MTMR10: variants seen among roughly 807,000 people sequenced by gnomAD.
MTMR10 encodes the protein myotubularin-related protein 10.
MTMR10 carries 56 observed loss-of-function variants against 88.1 expected under a neutral mutation model. That is an observed-to-expected ratio of 0.64 (90% confidence interval 0.51 to 0.79). The LOEUF (loss-of-function observed/expected upper bound fraction) is 0.79. MTMR10 is among the 30% of genes least tolerant of loss of function. The pLI is 0.00. For missense variants in MTMR10, 883 were observed against 924.7 expected (o/e 0.95, Z 0.58); for synonymous variants, 380 against 340.9 (o/e 1.11, Z -1.26).
At position 30,975,136 on chromosome 15, in the gene MTMR10, A is replaced by G; in HGVS notation, c.259-133T>C. On this transcript the variant is annotated intron_variant, in intron 3 of 15. Transcript: ENST00000435680. Reference sequence around the variant, plus strand: ...ACAAAAAGCTTTTGTCTAGGTAGCTAGGGCCATTCCAATGTTGACAGATAG... The same window carrying G: ...ACAAAAAGCTTTTGTCTAGGTAGCTGGGGCCATTCCAATGTTGACAGATAG... 3 of 621,070 alleles carry G rather than the reference A, an allele frequency of 4.8e-6. 1 individual carries two copies. The highest frequency in any genetic ancestry group is 3.4e-5 in the Admixed American group (1 of 29,354). 38.5% of individuals were successfully genotyped at this position (621,070 alleles called of 1,614,324 possible).
At chr15:30,991,375 C>A in intron 1 of MTMR10, 72 bp downstream of exon 1, 2 of 1,367,134 alleles carry the variant, frequency 1.5e-6, no homozygotes, top group South Asian at 3.4e-5. Context: ...TCCTCCAGTT[C>A]CCGGGGGTCG....
chr15:30,938,907 T>C (rs1008198842), downstream of MTMR10: 1 of 984,888 alleles, frequency 1.0e-6, no homozygotes, highest in Non-Finnish European at 1.2e-6. Flanking sequence ...TCAATCACTG[T>C]GTTCCAGTAG....
the MTMR10 span, among the ~76,000 whole-genome samples, chr15:30,932,288 T>G: frequency 1.3e-5 from 2 of 149,262 alleles, no homozygotes; most frequent in Non-Finnish European, 3.0e-5. Flanking sequence ...TGTAGACCAA[T>G]CTGAGAGGAA....
rs571395919 is a variant in MTMR10, at chr15:30,945,817, C to G, written c.1548+1313G>C. Among the ~76,000 whole-genome samples, 3 of 152,306 alleles carry G rather than the reference C, an allele frequency of 2.0e-5. No individual in the cohort carries two copies. In the South Asian group the frequency reaches 6.2e-4, roughly 32 times the overall value. On this transcript the variant is annotated intron_variant, in intron 14 of 15. Transcript: ENST00000435680. ...TGGTGGGGTGGGCAGGGGACAGACT[C>G]TGGCTCTATCACCCAGGCTGGAGTG... is the stretch of plus-strand genomic sequence containing the variant.
chr15:30,958,026 C>A (rs992189178), intron 9 of MTMR10, among the ~76,000 whole-genome samples: 2 of 152,096 alleles, frequency 1.3e-5, no homozygotes, highest in African/African-American at 4.8e-5. Context: ...CCAGGATGAC[C>A]CCCCGGTTTC....
In MTMR10 at chr15:30,941,039, T is replaced by C. The variant is rs1374184203; in HGVS notation, c.*431A>G. On this transcript the variant is annotated 3_prime_UTR_variant, in exon 16 of 16. Transcript: ENST00000435680. ...AGACGACAGAAAGTAACCAGAAAAATACATGAATACTTCCTAAAACCTGCT... is the reference window on the plus strand; with the variant it reads ...AGACGACAGAAAGTAACCAGAAAAACACATGAATACTTCCTAAAACCTGCT... 7 of 1,170,914 alleles carry C rather than the reference T, an allele frequency of 6.0e-6. No individual in the cohort carries two copies. The highest frequency in any genetic ancestry group is 4.2e-5 in the Admixed American group (1 of 23,954). 72.5% of individuals were successfully genotyped at this position (1,170,914 alleles called of 1,614,324 possible).
downstream of MTMR10, among the ~76,000 whole-genome samples, chr15:30,937,774 A>T (rs2062902605): frequency 6.6e-6 from 1 of 151,916 alleles, no homozygotes; most frequent in South Asian, 2.1e-4. Flanking sequence ...GAACTTTTTT[A>T]AAAGAGAAAA....
downstream of MTMR10, among the ~76,000 whole-genome samples, chr15:30,936,611 T>TGATG (rs1198227782): frequency 3.3e-5 from 5 of 152,028 alleles, no homozygotes; most frequent in African/African-American, 9.7e-5. Context: ...TCTCAACTTA[T>TGATG]GATGGCCTTA....
the MTMR10 span, among the ~76,000 whole-genome samples, chr15:30,924,721 C>T: frequency 6.6e-6 from 1 of 152,156 alleles, no homozygotes; most frequent in South Asian, 2.1e-4. Flanking sequence ...TGCGTGGGCT[C>T]CTGCTCTGGA....
chr15:30,988,954 C>T lies in MTMR10; in HGVS notation c.121+1823G>A, dbSNP rs2031128503. ...GCAGTGAGCCGAGATCACGCCACTG[C>T]ACTCCAGCCCAAGTAAGAGTGAGAC... On this transcript the variant is annotated intron_variant, in intron 2 of 15. Coordinates refer to ENST00000435680, the MANE Select transcript of MTMR10 (RefSeq NM_017762.3). 2.8e-5 allele frequency among the ~76,000 whole-genome samples: 4 copies of T among 141,634 alleles called. No individual in the cohort carries two copies. In the Admixed American group the frequency reaches 2.9e-4, roughly 10 times the overall value. The allele number at this position is 141,634 out of a possible 152,430, so 92.9% of individuals were successfully genotyped here.
intron 2 of MTMR10, among the ~76,000 whole-genome samples, chr15:30,987,677 A>G (rs549273627): frequency 7.2e-6 from 1 of 139,796 alleles, no homozygotes; most frequent in Admixed American, 7.2e-5. Context: ...CTAACAATTA[A>G]TTCTTTTTTT....
At chr15:30,975,496 A>G (rs951075616) in intron 3 of MTMR10, among the ~76,000 whole-genome samples, 1 of 152,164 alleles carries the variant, frequency 6.6e-6, no homozygotes, top group Admixed American at 6.5e-5. Context: ...ACTTTTTCCT[A>G]ATAGTGGTAC....
the MTMR10 span, chr15:30,929,543 A>G: frequency 1.1e-5 from 2 of 190,072 alleles, no homozygotes; most frequent in African/African-American, 5.6e-5. Context: ...AGTATATATC[A>G]TATATAAAAT....
chr15:30,963,049 G>A (rs1193127365), intron 6 of MTMR10, among the ~76,000 whole-genome samples: 3 of 152,304 alleles, frequency 2.0e-5, no homozygotes, highest in African/African-American at 7.2e-5. Context: ...ATCAAATAGG[G>A]CCTAGACTCT....
intron 2 of MTMR10, among the ~76,000 whole-genome samples, chr15:30,981,124 T>A (rs1453696723): frequency 6.6e-6 from 1 of 152,218 alleles, no homozygotes; most frequent in African/African-American, 2.4e-5. Context: ...AGCCAAACTT[T>A]AAGGAGAAAC....
At chr15:30,951,885 T>C in intron 12 of MTMR10, 83 bp downstream of exon 12, 2 of 1,163,808 alleles carry the variant, frequency 1.7e-6, no homozygotes, top group African/African-American at 1.5e-5. Flanking sequence ...AAAACTGATG[T>C]GATTTACTTG....
At position 30,976,783 on chromosome 15, in the gene MTMR10, C is replaced by T. The variant is rs369804302; in HGVS notation, c.258+36G>A. ...AATATGTACCACTTAGAGTTGAAAG[C>T]CTGATAGAATGAAACAGTGTACTAA... On this transcript the variant is annotated intron_variant, in intron 3 of 15. Transcript: ENST00000435680. The T allele has an allele frequency of 4.4e-6, 7 of 1,590,598 alleles. No homozygotes were observed. The African/African-American group carries it at 5.4e-5, about 12-fold the overall frequency.
At position 30,939,395 on chromosome 15, in the gene MTMR10, G is replaced by A; in HGVS notation, c.*2075C>T. The stretch of plus-strand genomic sequence containing the variant: ...CGCCCTGTGCAGCCACACCACTGCT[G>A]TCACCACATGTCCCTCTGACGGCAG... On this transcript the variant is annotated 3_prime_UTR_variant, in exon 16 of 16. Coordinates refer to ENST00000435680, the MANE Select transcript of MTMR10 (RefSeq NM_017762.3). 1 of 985,444 alleles carries A rather than the reference G, an allele frequency of 1.0e-6. No individual in the cohort carries two copies. The highest frequency in any genetic ancestry group is 1.2e-6 in the Non-Finnish European group (1 of 829,940). 61.0% of individuals were successfully genotyped at this position (985,444 alleles called of 1,614,324 possible).
chr15:30,954,927 A>AT, intron 9 of MTMR10, 34 bp from the exon 10 acceptor site: 1 of 1,504,064 alleles, frequency 6.6e-7, no homozygotes, highest in Non-Finnish European at 9.0e-7. Context: ...GTCATTACTC[A>AT]TTCATTTCAG....
Sources: gnomAD v4.1 joint callset for allele counts (sites outside exome capture counted in the v4.1 genomes callset) on GRCh38, gnomAD v4.1.1 for gene constraint, MANE v1.5 for transcripts, NCBI Gene and HGNC (gene_info 2026-07-23, HGNC 2026-07-21) for gene names.